PDE1A: variants seen among roughly 807,000 people sequenced by gnomAD.
PDE1A encodes dual specificity calcium/calmodulin-dependent 3',5'-cyclic nucleotide phosphodiesterase 1A.
Under a neutral mutation model 61.7 loss-of-function variants are expected in PDE1A, and 35 were observed. The observed-to-expected ratio is 0.57, with a 90% CI of 0.43 to 0.75. PDE1A has a LOEUF of 0.75. PDE1A is among the 30% of genes least tolerant of loss of function. The pLI is 0.00. For missense variants in PDE1A, 597 were observed against 630.6 expected (o/e 0.95, Z 0.57); for synonymous variants, 232 against 213.2 (o/e 1.09, Z -0.77).
At chr2:182,254,528 G>T (rs970915350) in intron 2 of PDE1A, among the ~76,000 whole-genome samples, 5 of 152,140 alleles carry the variant, frequency 3.3e-5, no homozygotes, top group Admixed American at 6.5e-5. Flanking sequence ...GTTTCCTCCT[G>T]TCACCCTCCT....
At chr2:182,612,695 A>C in the PDE1A span, among the ~76,000 whole-genome samples, 1 of 152,232 alleles carries the variant, frequency 6.6e-6, no homozygotes, top group Non-Finnish European at 1.5e-5. Context: ...AGATGGGGAA[A>C]AGCAAAAAAG....
chr2:182,614,279 T>C, the PDE1A span, among the ~76,000 whole-genome samples: 1 of 152,166 alleles, frequency 6.6e-6, no homozygotes. Flanking sequence ...GTGAAAAAGT[T>C]TGGGAACCTA....
chr2:182,422,703 A>C (rs573038835), intron 1 of PDE1A, among the ~76,000 whole-genome samples: 10 of 152,214 alleles, frequency 6.6e-5, no homozygotes, highest in Admixed American at 1.3e-4. Context: ...ATTAATGAAT[A>C]TAGTCATATA....
At chr2:182,500,086 ACTT>A (rs1312529378) in intron 2 of PDE1A, among the ~76,000 whole-genome samples, 2 of 152,258 alleles carry the variant, frequency 1.3e-5, no homozygotes, top group Non-Finnish European at 2.9e-5. Flanking sequence ...AGGGTTTTGC[ACTT>A]CTTTCGGTGA....
At chr2:182,309,602 T>C (rs901489778) in intron 1 of PDE1A, among the ~76,000 whole-genome samples, 2 of 152,048 alleles carry the variant, frequency 1.3e-5, no homozygotes, top group African/African-American at 2.4e-5. Flanking sequence ...ATATCAAAGA[T>C]GAGAAAGTCT....
At position 182,231,143 on chromosome 2, in the gene PDE1A, A is replaced by G; in HGVS notation, c.418-12T>C. The G allele has an allele frequency of 1.5e-6, 2 of 1,356,504 alleles. No individual in the cohort carries two copies. Among genetic ancestry groups the G allele is most frequent in the Non-Finnish European group, 2.1e-6 (2 of 951,728 alleles). 84.0% of individuals were successfully genotyped at this position (1,356,504 alleles called of 1,614,324 possible). ...CATTTATCAACATCCTGTAGAAAAA[A>G]GAATAAATACTTTAGGTGCCAATAT... On this transcript the variant is annotated splice_polypyrimidine_tract_variant and intron_variant, in intron 4 of 13. Coordinates refer to ENST00000351439, the Ensembl canonical transcript of PDE1A.
chr2:182,284,428 A>G lies in PDE1A; in HGVS notation c.54-20014T>C, dbSNP rs192067808. The stretch of plus-strand genomic sequence containing the variant: ...AAATATAAAATTGGAACATAAAATT[A>G]AATTGAGCAAACTCACAAATTTGGA... On this transcript the variant is annotated intron_variant, in intron 1 of 13. Transcript: ENST00000351439. Among the ~76,000 whole-genome samples the G allele has an allele frequency of 9.9e-5, 15 of 152,276 alleles. 1 individual carries two copies. The East Asian group carries it at 2.9e-3, about 29-fold the overall frequency.
At chr2:182,320,902 T>C (rs80271906) in intron 1 of PDE1A, among the ~76,000 whole-genome samples, 33 of 152,308 alleles carry the variant, frequency 2.2e-4, no homozygotes, top group Non-Finnish European at 4.0e-4. Context: ...TAAGCTATTA[T>C]GCAAATGAAA....
Position 182,246,401 on chromosome 2 carries a change from CTTTCTTTT to C in PDE1A, c.168-6117_168-6110del, listed in dbSNP as rs1231533278. 3.4e-4 allele frequency among the ~76,000 whole-genome samples: 21 copies of C among 61,512 alleles called. 1 individual carries two copies. Among genetic ancestry groups the C allele is most frequent in the Admixed American group, 6.5e-4 (4 of 6,112 alleles). The allele number at this position is 61,512 out of a possible 152,430, so 40.4% of individuals were successfully genotyped here. ...TCTACTATAGTCTTTTTTCTTTTTT[CTTTCTTTT>C]TTTTTTTTTTTTTTGACAGAGTCTT... On this transcript the variant is annotated intron_variant, in intron 2 of 13. Transcript: ENST00000351439.
intron 2 of PDE1A, among the ~76,000 whole-genome samples, chr2:182,479,414 T>C (rs1574758940): frequency 6.6e-6 from 1 of 151,628 alleles, no homozygotes; most frequent in East Asian, 1.9e-4. Flanking sequence ...GTGAAAGCTC[T>C]AATTTAACCC....
At chr2:182,532,527 G>A in the PDE1A span, among the ~76,000 whole-genome samples, 1 of 152,174 alleles carries the variant, frequency 6.6e-6, no homozygotes, top group Non-Finnish European at 1.5e-5. Context: ...GCTGGGGTTA[G>A]GAAAGGGGAT....
intron 7 of PDE1A, among the ~76,000 whole-genome samples, chr2:182,211,760 T>A (rs1269385129): frequency 1.3e-5 from 2 of 152,244 alleles, no homozygotes; most frequent in Non-Finnish European, 2.9e-5. Context: ...TGAGTGGTGC[T>A]AATGCAAATG....
chr2:182,363,700 T>C (rs1699649500), intron 1 of PDE1A, among the ~76,000 whole-genome samples: 1 of 152,072 alleles, frequency 6.6e-6, no homozygotes, highest in Non-Finnish European at 1.5e-5. Context: ...ATTTGAATTC[T>C]CCAATACCAT....
chr2:182,322,176 G>A (rs1006949152), intron 1 of PDE1A, among the ~76,000 whole-genome samples: 4 of 152,134 alleles, frequency 2.6e-5, no homozygotes, highest in African/African-American at 9.7e-5. Flanking sequence ...GAATCACCAG[G>A]ATTGAATTCA....
chr2:182,628,256 G>A, the PDE1A span, among the ~76,000 whole-genome samples: 1 of 152,270 alleles, frequency 6.6e-6, no homozygotes, highest in East Asian at 1.9e-4. Flanking sequence ...GTATCCCACT[G>A]GGATCTAAAA....
intron 2 of PDE1A, among the ~76,000 whole-genome samples, chr2:182,439,949 G>A (rs1684682387): frequency 6.6e-6 from 1 of 152,060 alleles, no homozygotes; most frequent in South Asian, 2.1e-4. Context: ...GGGAGGACAT[G>A]TGTAGGAACA....
chr2:182,146,983 C>A (rs575293799), downstream of PDE1A: 25 of 770,628 alleles, frequency 3.2e-5, no homozygotes, highest in Admixed American at 6.0e-4. Flanking sequence ...TAATGGTATT[C>A]TGCAAACCAT....
intron 1 of PDE1A, among the ~76,000 whole-genome samples, chr2:182,423,145 C>T (rs1175026588): frequency 2.0e-5 from 3 of 152,124 alleles, no homozygotes; most frequent in Non-Finnish European, 4.4e-5. Flanking sequence ...TAAACTCCTG[C>T]CTTGGCCATA....
chr2:182,569,650 T>C, the PDE1A span, among the ~76,000 whole-genome samples: 22 of 152,234 alleles, frequency 1.4e-4, no homozygotes, highest in Admixed American at 1.3e-3. Context: ...GGTTTCAAAG[T>C]AGAAATGGAA....
Sources: allele counts gnomAD v4.1 joint callset (sites outside exome capture counted in the v4.1 genomes callset), GRCh38; gene constraint gnomAD v4.1.1; transcripts MANE v1.5; gene names NCBI Gene and HGNC (gene_info 2026-07-23, HGNC 2026-07-21).